The following ITGA1 variants were observed in gnomAD, a reference collection of about 807,000 sequenced individuals.
ITGA1 encodes integrin subunit alpha 1, also known as integrin alpha-1.
A neutral mutation model predicts 145.9 loss-of-function variants in ITGA1; 85 were observed. The ratio of observed to expected loss-of-function variants is 0.58; its 90% CI spans 0.49 to 0.70. The LOEUF is 0.70. Ranked by LOEUF, ITGA1 falls within the 30% of genes least tolerant of loss-of-function variation. The pLI is 0.00. For synonymous variants in ITGA1, 520 were observed against 495.3 expected (o/e 1.05, Z -0.66); for missense variants, 1,351 against 1,418.7 (o/e 0.95, Z 0.77).
Position 52,788,434 on chromosome 5 carries a change from C to A in ITGA1, c.61+20C>A. ...TCACTGGTGAGCGACTCGCTTTTCT[C>A]TGAGCATCTCCTGCTCGCGGGCTTG... is the stretch of plus-strand genomic sequence containing the variant. On this transcript the variant is annotated intron_variant, in intron 1 of 28. Coordinates refer to ENST00000282588, the MANE Select transcript of ITGA1 (RefSeq NM_181501.2). The A allele has an allele frequency of 6.7e-7, 1 of 1,498,598 alleles. No homozygotes were observed. Among genetic ancestry groups the A allele is most frequent in the Non-Finnish European group, 8.9e-7 (1 of 1,126,136 alleles). The allele number at this position is 1,498,598 out of a possible 1,614,324, so 92.8% of individuals were successfully genotyped here. A position where few individuals can be genotyped will look rare whatever the true frequency, so the allele number is the denominator to read the frequency against.
intron 2 of ITGA1, among the ~76,000 whole-genome samples, chr5:52,853,641 C>T (rs1227055439): frequency 1.3e-5 from 2 of 152,082 alleles, no homozygotes; most frequent in Non-Finnish European, 2.9e-5. Flanking sequence ...AAAAGGTAGC[C>T]TTATGTCCTC....
intron 1 of ITGA1, among the ~76,000 whole-genome samples, chr5:52,848,213 C>T (rs956970783): frequency 6.6e-6 from 1 of 152,170 alleles, no homozygotes; most frequent in Admixed American, 6.5e-5. Flanking sequence ...AAATCTCAGG[C>T]CTGCATAGGA....
At chr5:52,821,016 G>A (rs371797465) in intron 1 of ITGA1, among the ~76,000 whole-genome samples, 5 of 152,216 alleles carry the variant, frequency 3.3e-5, no homozygotes, top group African/African-American at 1.2e-4. Context: ...CTTTCTAAGT[G>A]TGTGTGTGTA....
intron 11 of ITGA1, among the ~76,000 whole-genome samples, chr5:52,899,329 T>A (rs1750279926): frequency 6.6e-6 from 1 of 152,194 alleles, no homozygotes; most frequent in Non-Finnish European, 1.5e-5. Flanking sequence ...CTGCGGTGTT[T>A]ATACATCTCC....
chr5:52,800,042 T>C (rs1415161766), intron 1 of ITGA1: 1 of 305,544 alleles, frequency 3.3e-6, no homozygotes, highest in Non-Finnish European at 6.2e-6. Context: ...GCCTCTCCTT[T>C]GGGGACGGGA....
chr5:52,930,982 G>A (rs537272581), intron 21 of ITGA1, among the ~76,000 whole-genome samples: 21 of 152,122 alleles, frequency 1.4e-4, no homozygotes, highest in African/African-American at 4.8e-4. Context: ...AGAGAAAAGG[G>A]GACCATTCAT....
chr5:52,908,955 A>G lies in ITGA1; in HGVS notation c.1513A>G (p.Thr505Ala), dbSNP rs142481613. The G allele has an allele frequency of 3.7e-5, 59 of 1,613,816 alleles. No individual in the cohort carries two copies. The highest frequency in any genetic ancestry group is 4.4e-5 in the Non-Finnish European group (52 of 1,179,862). ...AACTGACATTGACAAGGATTCTAAT[A>G]CTGACATTCTTCTAGTCGGAGCCCC... ...TTTDIDKDSNTDILLVGAPMY... is the reference protein window; with the variant it reads ...TTTDIDKDSNADILLVGAPMY... Residue 505 changes from threonine (T) to alanine (A), a missense_variant, in exon 13 of 29, where the codon ACT (threonine) becomes GCT (alanine). Physicochemically the swap from Thr to Ala is moderately conservative, Grantham distance 58. Transcript: ENST00000282588.
At chr5:52,903,859 AG>A (rs1750354388) in intron 11 of ITGA1, 1 of 152,244 alleles carries the variant, frequency 6.6e-6, no homozygotes, top group South Asian at 2.1e-4. Context: ...TTAATCTTAA[AG>A]ACACAATTTA....
intron 1 of ITGA1, among the ~76,000 whole-genome samples, chr5:52,816,241 A>G (rs1748765354): frequency 6.6e-6 from 1 of 152,226 alleles, no homozygotes; most frequent in Admixed American, 6.5e-5. Flanking sequence ...ATATCCATGC[A>G]CATCGAGCAT....
intron 6 of ITGA1, among the ~76,000 whole-genome samples, chr5:52,866,271 C>A (rs188841328): frequency 2.8e-4 from 43 of 152,304 alleles, no homozygotes; most frequent in Admixed American, 5.9e-4. Context: ...CCTGTCTCTG[C>A]CTCTCAAAGC....
chr5:52,840,204 C>A (rs982141036), intron 1 of ITGA1, among the ~76,000 whole-genome samples: 1 of 152,112 alleles, frequency 6.6e-6, no homozygotes, highest in Non-Finnish European at 1.5e-5. Flanking sequence ...ATTCCACTAA[C>A]GAAAGTACCA....
chr5:52,833,319 G>A (rs929586748), intron 1 of ITGA1, among the ~76,000 whole-genome samples: 1 of 152,054 alleles, frequency 6.6e-6, no homozygotes, highest in African/African-American at 2.4e-5. Flanking sequence ...TTAGTAAACT[G>A]ACTGTTGTCT....
At chr5:52,909,226 C>G (rs1162595509) in intron 13 of ITGA1, among the ~76,000 whole-genome samples, 185 bp downstream of exon 13, 87 of 152,050 alleles carry the variant, frequency 5.7e-4, no homozygotes, top group Non-Finnish European at 1.2e-4. Flanking sequence ...GTAGCTCCAA[C>G]TCTTAGATAT....
intron 6 of ITGA1, among the ~76,000 whole-genome samples, chr5:52,880,567 C>T (rs1319882217): frequency 6.6e-6 from 1 of 152,144 alleles, no homozygotes. Flanking sequence ...GTGATTTCAG[C>T]AGAGGAGCCT....
intron 20 of ITGA1, among the ~76,000 whole-genome samples, chr5:52,929,244 G>A (rs1173303867): frequency 2.0e-5 from 3 of 152,110 alleles, no homozygotes; most frequent in African/African-American, 4.8e-5. Flanking sequence ...TGAGATAGCA[G>A]AACCAGGAAG....
At chr5:52,930,141 A>G (rs1475228312) in intron 21 of ITGA1, among the ~76,000 whole-genome samples, 1 of 152,184 alleles carries the variant, frequency 6.6e-6, no homozygotes, top group Non-Finnish European at 1.5e-5. Flanking sequence ...GAAAGGTATC[A>G]TAGAACACAC....
intron 1 of ITGA1, among the ~76,000 whole-genome samples, chr5:52,840,930 T>A (rs1365501159): frequency 6.6e-6 from 1 of 152,210 alleles, no homozygotes; most frequent in Non-Finnish European, 1.5e-5. Context: ...CAGACACAGA[T>A]ATACACATAT....
intron 14 of ITGA1, among the ~76,000 whole-genome samples, chr5:52,912,561 A>G (rs1246738668): frequency 7.5e-6 from 1 of 134,048 alleles, no homozygotes; most frequent in Non-Finnish European, 1.6e-5. Flanking sequence ...TGTATCCACT[A>G]TAGGTATTAT....
chr5:52,933,070 A>G (rs988338794), intron 22 of ITGA1: 1 of 152,100 alleles, frequency 6.6e-6, no homozygotes, highest in Non-Finnish European at 1.5e-5. Flanking sequence ...TGCAAGTAAT[A>G]TATAGCAACT....
Sources: allele counts gnomAD v4.1 joint callset (sites outside exome capture counted in the v4.1 genomes callset), GRCh38; gene constraint gnomAD v4.1.1; transcripts MANE v1.5; gene names NCBI Gene and HGNC (gene_info 2026-07-23, HGNC 2026-07-21).